The following RAB4A variants were observed in gnomAD, a reference collection of about 807,000 sequenced individuals.
RAB4A encodes the protein RAB4A, member RAS oncogene family, also known as ras-related protein Rab-4A.
RAB4A carries 20 observed loss-of-function variants against 34.5 expected under a neutral mutation model. The observed-to-expected ratio is 0.58, with a 90% confidence interval of 0.41 to 0.84. The LOEUF is 0.84. RAB4A is among the 40% of genes least tolerant of loss of function. The probability of loss-of-function intolerance (pLI) is 0.00; values close to 1 mark genes in which losing one functional copy is unlikely to be tolerated. For missense variants in RAB4A, 228 were observed against 274.5 expected (o/e 0.83, Z 1.20); for synonymous variants, 102 against 100.0 (o/e 1.02, Z -0.12).
chr1:229,281,059 G>A (rs1171454678), intron 1 of RAB4A, among the ~76,000 whole-genome samples: 7 of 152,020 alleles, frequency 4.6e-5, no homozygotes, highest in African/African-American at 1.7e-4. Flanking sequence ...TTCCAATTTT[G>A]GGCTATACCA....
intron 1 of RAB4A, among the ~76,000 whole-genome samples, chr1:229,278,176 T>G (rs1656696620): frequency 6.6e-6 from 1 of 152,192 alleles, no homozygotes; most frequent in South Asian, 2.1e-4. Flanking sequence ...CTTTCTTCTT[T>G]TCAGGCAATG....
In RAB4A at chr1:229,305,111, A is replaced by G; in HGVS notation, c.*1318A>G. On this transcript the variant is annotated 3_prime_UTR_variant, in exon 8 of 8. Transcript: ENST00000366690. ...TTGTTTATTTTAATCAGCAGAGCAC[A>G]GAGACACATAAAAACTCTGGGAAAT... The G allele has an allele frequency of 6.4e-7, 1 of 1,562,886 alleles. No individual in the cohort carries two copies. Among genetic ancestry groups the G allele is most frequent in the Non-Finnish European group, 8.6e-7 (1 of 1,157,394 alleles).
intron 1 of RAB4A, among the ~76,000 whole-genome samples, chr1:229,276,866 G>A (rs1421968449): frequency 2.7e-5 from 4 of 150,810 alleles, no homozygotes; most frequent in Admixed American, 6.6e-5. Flanking sequence ...TTGCCACACA[G>A]CATCTGCACC....
chr1:229,283,098 A>G (rs1485546901), intron 1 of RAB4A, among the ~76,000 whole-genome samples: 2 of 152,168 alleles, frequency 1.3e-5, no homozygotes, highest in African/African-American at 4.8e-5. Flanking sequence ...ACACTACCTT[A>G]TCACTGCCAT....
chr1:229,283,502 C>T (rs1027761470), intron 1 of RAB4A, among the ~76,000 whole-genome samples: 1 of 152,146 alleles, frequency 6.6e-6, no homozygotes, highest in African/African-American at 2.4e-5. Context: ...TGCTTGGCTG[C>T]CCCTTTTTTG....
In RAB4A at chr1:229,288,753, T is replaced by C. The variant is rs1278944601; in HGVS notation, c.137T>C (p.Ile46Thr). The stretch of plus-strand genomic sequence containing the variant: ...GTCAAAGATGACTCAAATCATACAA[T>C]AGGAGTGGAATTTGGTTCAAAGATA... ...KKFKDDSNHT[I>T]GVEFGSKIIN... Residue 46 changes from isoleucine to threonine, a missense_variant, in exon 3 of 8, where the codon ATA (isoleucine) becomes ACA (threonine). Transcript: ENST00000366690. 3.8e-6 allele frequency: 6 copies of C among 1,572,782 alleles called. No homozygotes were observed. The highest frequency in any genetic ancestry group is 5.2e-6 in the Non-Finnish European group (6 of 1,145,234).
intron 3 of RAB4A, among the ~76,000 whole-genome samples, chr1:229,292,450 T>C (rs1243599255): frequency 1.3e-5 from 2 of 152,158 alleles, no homozygotes; most frequent in East Asian, 1.9e-4. Context: ...TGAGCAAGAA[T>C]AGAAAGGCGC....
intron 3 of RAB4A, among the ~76,000 whole-genome samples, chr1:229,291,890 A>C (rs139436266): frequency 2.4e-4 from 37 of 152,266 alleles, no homozygotes; most frequent in African/African-American, 7.9e-4. Context: ...TGCAGCCATA[A>C]AAAATGATGA....
intron 1 of RAB4A, among the ~76,000 whole-genome samples, chr1:229,274,749 T>C (rs1206097821): frequency 6.6e-6 from 1 of 152,224 alleles, no homozygotes; most frequent in Non-Finnish European, 1.5e-5. Context: ...CTGAAAAGTA[T>C]ATGTAGTGGG....
rs1471768376 is a variant in RAB4A, at chr1:229,274,216, CTAATTTTTTTTTTTTTTT to C, written c.31+2858_31+2875del. Among the ~76,000 whole-genome samples, 4 of 143,618 alleles carry C rather than the reference CTAATTTTTTTTTTTTTTT, an allele frequency of 2.8e-5. No homozygotes were observed. In the East Asian group the frequency reaches 7.9e-4, roughly 28 times the overall value. 94.2% of individuals were successfully genotyped at this position (143,618 alleles called of 152,430 possible). A position where few individuals can be genotyped will look rare whatever the true frequency, so the allele number is the denominator to read the frequency against. ...CACAGGTGCATGCCACCACACCTGGCTAATTTTTTTTTTTTTTTTAATTTTTTTTGTAGAGACGAGGTC... is the reference window on the plus strand; with the variant it reads ...CACAGGTGCATGCCACCACACCTGGCTAATTTTTTTTGTAGAGACGAGGTC... On this transcript the variant is annotated intron_variant, in intron 1 of 7. Coordinates refer to ENST00000366690, the MANE Select transcript of RAB4A (RefSeq NM_004578.4).
intron 2 of RAB4A, among the ~76,000 whole-genome samples, chr1:229,288,417 CTG>C (rs1204504825): frequency 1.3e-5 from 2 of 152,228 alleles, no homozygotes; most frequent in African/African-American, 4.8e-5. Flanking sequence ...CAGTCACCAT[CTG>C]TGAGCATCTT....
intron 2 of RAB4A, among the ~76,000 whole-genome samples, chr1:229,288,499 ATTTG>A (rs1470025631): frequency 1.3e-5 from 2 of 152,152 alleles, no homozygotes; most frequent in African/African-American, 4.8e-5. Context: ...TAAATGTATC[ATTTG>A]TTTGGGGGTT....
At chr1:229,295,207 C>T (rs1657208048) in intron 3 of RAB4A, among the ~76,000 whole-genome samples, 1 of 152,074 alleles carries the variant, frequency 6.6e-6, no homozygotes, top group Non-Finnish European at 1.5e-5. Flanking sequence ...CCTCCTGGGC[C>T]TCCTAAAGTG....
intron 6 of RAB4A, 34 bp from the exon 7 acceptor site, chr1:229,302,828 G>T: frequency 7.0e-7 from 1 of 1,436,468 alleles, no homozygotes; most frequent in South Asian, 1.2e-5. Context: ...AAACATAAAA[G>T]CCTTTTTTAA....
rs1023260620 is a variant in RAB4A at position 229,274,109 on chromosome 1, G to A, written c.31+2739G>A. Among the ~76,000 whole-genome samples, 13 of 138,144 alleles carry A rather than the reference G, an allele frequency of 9.4e-5. 1 individual carries two copies. Among genetic ancestry groups the A allele is most frequent in the African/African-American group, 3.2e-4 (12 of 36,994 alleles). The allele number at this position is 138,144 out of a possible 152,430, so 90.6% of individuals were successfully genotyped here. On this transcript the variant is annotated intron_variant, in intron 1 of 7. Coordinates refer to ENST00000366690, the MANE Select transcript of RAB4A (RefSeq NM_004578.4). Reference sequence around the variant, plus strand: ...GCTCTGTCACCCATGCTGGAGTGCAGTGACACAATCACGGCTCACTGCCAC... The same window carrying A: ...GCTCTGTCACCCATGCTGGAGTGCAATGACACAATCACGGCTCACTGCCAC...
intron 3 of RAB4A, among the ~76,000 whole-genome samples, chr1:229,294,701 G>C (rs1418891873): frequency 6.6e-6 from 1 of 152,164 alleles, no homozygotes; most frequent in African/African-American, 2.4e-5. Context: ...TTAGCCAGGC[G>C]TGGTGGCGGG....
chr1:229,295,273 T>C (rs1657212615), intron 3 of RAB4A, among the ~76,000 whole-genome samples: 2 of 152,140 alleles, frequency 1.3e-5, no homozygotes, highest in South Asian at 4.2e-4. Context: ...GAGGGTGAGA[T>C]TGACAATGTA....
chr1:229,303,423 T>G (rs1657469264), intron 7 of RAB4A, among the ~76,000 whole-genome samples: 1 of 151,872 alleles, frequency 6.6e-6, no homozygotes, highest in African/African-American at 2.4e-5. Flanking sequence ...CTGAAAGAAT[T>G]TATACTCTAT....
rs1387607866 is a variant in RAB4A, at chr1:229,305,165, T to A, written c.*1372T>A. 2.5e-6 allele frequency: 4 copies of A among 1,602,424 alleles called. No homozygotes were observed. The African/African-American group carries it at 5.4e-5, about 22-fold the overall frequency. On this transcript the variant is annotated 3_prime_UTR_variant, in exon 8 of 8. Transcript: ENST00000366690. ...TAGGATAAAAATATCAGTATGTATC[T>A]GTTTTAGATATTTTGAGTTTTGCTT...
Sources: allele counts gnomAD v4.1 joint callset (sites outside exome capture counted in the v4.1 genomes callset), GRCh38; gene constraint gnomAD v4.1.1; transcripts MANE v1.5; gene names NCBI Gene and HGNC (gene_info 2026-07-23, HGNC 2026-07-21).